The following ROBO2 variants were observed in gnomAD, a reference collection of about 807,000 sequenced individuals.
ROBO2 encodes the protein roundabout guidance receptor 2.
ROBO2 carries 53 observed loss-of-function variants against 160.8 expected under a neutral mutation model. The observed-to-expected ratio is 0.33, with a 90% confidence interval of 0.26 to 0.41. The LOEUF is 0.41. ROBO2 is among the 10% of genes least tolerant of loss of function. The pLI, the probability that ROBO2 is intolerant of heterozygous loss-of-function variation, is 1.00. For synonymous variants in ROBO2, 664 were observed against 611.7 expected, an observed-to-expected ratio of 1.09 and a Z score of -1.26; for missense variants, 1,577 against 1,722.4, an observed-to-expected ratio of 0.92 and a Z score of 1.49.
intron 2 of ROBO2, among the ~76,000 whole-genome samples, chr3:76,651,235 C>T (rs2091242788): frequency 6.6e-6 from 1 of 152,114 alleles, no homozygotes; most frequent in Non-Finnish European, 1.5e-5. Flanking sequence ...TCTTCCTCAT[C>T]GCGGCCAGGA....
intron 2 of ROBO2, among the ~76,000 whole-genome samples, chr3:76,201,085 C>T (rs907446366): frequency 1.3e-5 from 2 of 152,068 alleles, no homozygotes; most frequent in African/African-American, 2.4e-5. Context: ...CAAAGACAGG[C>T]TAATTTTGCA....
intron 2 of ROBO2, among the ~76,000 whole-genome samples, chr3:76,242,375 A>G (rs62268379): frequency 0.13 from 19,508 of 152,036 alleles, 1,948 homozygotes; most frequent in East Asian, 0.41. Context: ...TACTATTATA[A>G]TATTAGATAC....
At chr3:76,615,380 G>A (rs2088499430) in intron 2 of ROBO2, among the ~76,000 whole-genome samples, 1 of 152,070 alleles carries the variant, frequency 6.6e-6, no homozygotes, top group South Asian at 2.1e-4. Context: ...ATTCACTTGG[G>A]TAACTGAGAT....
At chr3:76,599,754 A>C (rs192611797) in intron 2 of ROBO2, among the ~76,000 whole-genome samples, 2 of 152,242 alleles carry the variant, frequency 1.3e-5, no homozygotes, top group East Asian at 3.9e-4. Context: ...GACTGGTGTG[A>C]GATGGTATCT....
chr3:76,843,624 C>G (rs1299524811), intron 2 of ROBO2, among the ~76,000 whole-genome samples: 1 of 151,942 alleles, frequency 6.6e-6, no homozygotes, highest in Non-Finnish European at 1.5e-5. Flanking sequence ...GATGGACTAT[C>G]CCTTCTCAGT....
chr3:76,983,050 C>T (rs185364305), intron 2 of ROBO2, among the ~76,000 whole-genome samples: 3 of 152,188 alleles, frequency 2.0e-5, no homozygotes, highest in Admixed American at 2.0e-4. Context: ...CTTTGGGAGG[C>T]CGAGGCGGGC....
intron 2 of ROBO2, among the ~76,000 whole-genome samples, chr3:76,974,250 C>T (rs928688014): frequency 3.3e-5 from 5 of 152,148 alleles, no homozygotes; most frequent in East Asian, 3.8e-4. Context: ...ATACATATTA[C>T]ATTTGCATGC....
chr3:77,304,859 G>A (rs1028224335), intron 2 of ROBO2, among the ~76,000 whole-genome samples: 5 of 152,132 alleles, frequency 3.3e-5, no homozygotes, highest in Non-Finnish European at 7.3e-5. Flanking sequence ...TGTCTGTGAC[G>A]TGTCAGTTAG....
At chr3:76,075,261 G>C (rs1287414397) in intron 2 of ROBO2, among the ~76,000 whole-genome samples, 1 of 151,772 alleles carries the variant, frequency 6.6e-6, no homozygotes, top group Non-Finnish European at 1.5e-5. Context: ...GCTGAGAGTG[G>C]CCAGGGGAGG....
chr3:77,636,158 T>C (rs745801180), intron 24 of ROBO2, among the ~76,000 whole-genome samples: 1 of 152,058 alleles, frequency 6.6e-6, no homozygotes, highest in Non-Finnish European at 1.5e-5. Context: ...ATTTTGGGGG[T>C]ACACAAACAT....
intron 2 of ROBO2, among the ~76,000 whole-genome samples, chr3:76,352,151 T>G (rs1013571242): frequency 6.6e-6 from 1 of 152,036 alleles, no homozygotes; most frequent in Non-Finnish European, 1.5e-5. Flanking sequence ...ACTAATTCCC[T>G]CCCCAAGTTG....
chr3:77,136,184 G>C (rs190422311), intron 2 of ROBO2, among the ~76,000 whole-genome samples: 1 of 152,080 alleles, frequency 6.6e-6, no homozygotes, highest in Non-Finnish European at 1.5e-5. Context: ...AGAAAGATCT[G>C]GAATATTATT....
chr3:76,068,154 A>G (rs1278027903), intron 2 of ROBO2, among the ~76,000 whole-genome samples: 1 of 152,122 alleles, frequency 6.6e-6, no homozygotes, highest in African/African-American at 2.4e-5. Flanking sequence ...AGGATAGCCT[A>G]GTTGTTAAGA....
At chr3:76,122,288 A>G (rs536933395) in intron 2 of ROBO2, among the ~76,000 whole-genome samples, 6 of 152,118 alleles carry the variant, frequency 3.9e-5, no homozygotes, top group African/African-American at 1.4e-4. Context: ...AAATTTAACC[A>G]AATGTAAATA....
intron 2 of ROBO2, among the ~76,000 whole-genome samples, chr3:76,365,850 A>G (rs1464055767): frequency 6.6e-6 from 1 of 152,088 alleles, no homozygotes; most frequent in Non-Finnish European, 1.5e-5. Context: ...TTATGTATCT[A>G]ATTATTCAGA....
intron 2 of ROBO2, among the ~76,000 whole-genome samples, chr3:77,231,363 C>CAAAAAAA (rs60535204): frequency 1.7e-5 from 1 of 59,652 alleles, no homozygotes; most frequent in African/African-American, 6.9e-5. Context: ...AGACTCCATC[C>CAAAAAAA]AAAAAAAAAA....
chr3:76,593,180 G>C (rs1303377922), intron 2 of ROBO2, among the ~76,000 whole-genome samples: 4 of 152,074 alleles, frequency 2.6e-5, no homozygotes, highest in African/African-American at 9.7e-5. Context: ...TTAGAAGATA[G>C]AACTGTGTCT....
At chr3:76,083,510 T>C (rs1576787829) in intron 2 of ROBO2, among the ~76,000 whole-genome samples, 2 of 152,092 alleles carry the variant, frequency 1.3e-5, no homozygotes, top group East Asian at 1.9e-4. Flanking sequence ...GGAAAAAAAA[T>C]ACACTTTTTG....
chr3:76,898,143 T>C (rs1559671171), intron 2 of ROBO2, among the ~76,000 whole-genome samples: 2 of 152,096 alleles, frequency 1.3e-5, no homozygotes, highest in Non-Finnish European at 2.9e-5. Flanking sequence ...TTTGGTGCAC[T>C]TTATTATTTA....
Sources: allele counts gnomAD v4.1 joint callset (sites outside exome capture counted in the v4.1 genomes callset), GRCh38; gene constraint gnomAD v4.1.1; transcripts MANE v1.5; gene names NCBI Gene and HGNC (gene_info 2026-07-23, HGNC 2026-07-21).